Variants in ODR4 observed in about 807,000 individuals in gnomAD.
ODR4 encodes odr-4 GPCR localization factor homolog, also known as protein odr-4 homolog.
A neutral mutation model predicts 60.2 loss-of-function variants in ODR4; 47 were observed. That is an observed-to-expected ratio of 0.78 (90% confidence interval 0.62 to 1.00). The LOEUF (loss-of-function observed/expected upper bound fraction) is 1.00, where lower values mean the gene tolerates loss of function less well. ODR4 is among the 50% of genes least tolerant of loss of function. ODR4 has a pLI of 0.00. For missense variants in ODR4, 488 were observed against 530.8 expected, an observed-to-expected ratio of 0.92 and a Z score of 0.79; for synonymous variants, 178 against 175.5, an observed-to-expected ratio of 1.01 and a Z score of -0.11.
chr1:186,378,193 C>A (rs980835300), intron 1 of ODR4, among the ~76,000 whole-genome samples: 1 of 152,162 alleles, frequency 6.6e-6, no homozygotes, highest in African/African-American at 2.4e-5. Flanking sequence ...AAATGCAAAA[C>A]CGTTTTGTGA....
intron 6 of ODR4, 125 bp downstream of exon 6, chr1:186,389,749 A>G (rs1660389479): frequency 1.6e-6 from 1 of 638,282 alleles, no homozygotes; most frequent in African/African-American, 1.9e-5. Context: ...AAACAACTGT[A>G]GTTTTTATTT....
chr1:186,400,259 G>C (rs934795417), intron 11 of ODR4, among the ~76,000 whole-genome samples: 1 of 149,792 alleles, frequency 6.7e-6, no homozygotes, highest in African/African-American at 2.5e-5. Context: ...CAAAGTGCTG[G>C]GATTACAGGC....
chr1:186,395,715 A>G (rs1354279544), intron 9 of ODR4, among the ~76,000 whole-genome samples: 1 of 152,296 alleles, frequency 6.6e-6, no homozygotes, highest in East Asian at 1.9e-4. Context: ...CTTTGTTAGT[A>G]TATCTCTTGA....
chr1:186,434,740 A>G, the ODR4 span, among the ~76,000 whole-genome samples: 1 of 152,186 alleles, frequency 6.6e-6, no homozygotes, highest in African/African-American at 2.4e-5. Flanking sequence ...TGGGACTTAC[A>G]CAGTTTATTA....
chr1:186,407,063 T>C (rs1319885550), intron 12 of ODR4, among the ~76,000 whole-genome samples: 1 of 152,148 alleles, frequency 6.6e-6, no homozygotes, highest in Non-Finnish European at 1.5e-5. Context: ...TTCAAATCTA[T>C]AGTAAACTGC....
chr1:186,380,544 C>T lies in ODR4; in HGVS notation c.99+660C>T, dbSNP rs148650004. Among the ~76,000 whole-genome samples, 1,022 of 147,626 alleles carry T rather than the reference C, an allele frequency of 6.9e-3. 7 individuals carry two copies. The highest frequency in any genetic ancestry group is 8.2e-3 in the Non-Finnish European group (551 of 67,488). ...ATGAGTGAAGGAAGAACGTGTTAAT[C>T]GGCAGGAGGGACCGGTCAGCAGTAC... is the stretch of plus-strand genomic sequence containing the variant. On this transcript the variant is annotated intron_variant, in intron 2 of 13. Transcript: ENST00000287859.
intron 2 of ODR4, among the ~76,000 whole-genome samples, chr1:186,381,797 C>T (rs941105359): frequency 6.6e-6 from 1 of 152,056 alleles, no homozygotes; most frequent in Non-Finnish European, 1.5e-5. Context: ...TTTTTCTTTT[C>T]AAAGTTATAC....
chr1:186,397,481 A>G (rs538578170), intron 9 of ODR4, among the ~76,000 whole-genome samples: 1 of 152,170 alleles, frequency 6.6e-6, no homozygotes, highest in African/African-American at 2.4e-5. Flanking sequence ...GCCTTATTTG[A>G]AATGCTTAGG....
Position 186,395,932 on chromosome 1 carries a change from A to G in ODR4, c.780+1917A>G, listed in dbSNP as rs78051072. Among the ~76,000 whole-genome samples, 1,030 of 152,254 alleles carry G rather than the reference A, an allele frequency of 6.8e-3. 18 individuals are homozygous for G. The highest frequency in any genetic ancestry group is 0.024 in the African/African-American group (993 of 41,538). On this transcript the variant is annotated intron_variant, in intron 9 of 13. Transcript: ENST00000287859. Reference sequence around the variant, plus strand: ...AGAAGTCCAACTCAGGGTTCTTCATAGCCTCAGCATACCTTTTTGTTCTTA... The same window carrying G: ...AGAAGTCCAACTCAGGGTTCTTCATGGCCTCAGCATACCTTTTTGTTCTTA...
At chr1:186,394,422 T>A (rs867784314) in intron 9 of ODR4, among the ~76,000 whole-genome samples, 3 of 152,168 alleles carry the variant, frequency 2.0e-5, no homozygotes, top group African/African-American at 7.2e-5. Context: ...ACCCCCTGAT[T>A]TGATAAAAAT....
downstream of ODR4, among the ~76,000 whole-genome samples, chr1:186,426,007 A>G (rs1348557389): frequency 6.6e-6 from 1 of 152,188 alleles, no homozygotes; most frequent in African/African-American, 2.4e-5. Flanking sequence ...GTCTCCTTGG[A>G]TAGATTCACA....
chr1:186,411,285 G>C lies in ODR4; in HGVS notation c.1186+5017G>C, dbSNP rs184476119. Among the ~76,000 whole-genome samples the C allele has an allele frequency of 1.9e-3, 284 of 152,134 alleles. 1 individual carries two copies. The highest frequency in any genetic ancestry group is 6.5e-3 in the African/African-American group (268 of 41,502). ...TTACGATCCCAAGCATTTTGGATGAGGAATACTCAACCTGTACTACTTCTA... is the reference window on the plus strand; with the variant it reads ...TTACGATCCCAAGCATTTTGGATGACGAATACTCAACCTGTACTACTTCTA... On this transcript the variant is annotated intron_variant, in intron 12 of 13. Transcript: ENST00000287859.
At chr1:186,416,147 T>C (rs1267273369) in intron 12 of ODR4, among the ~76,000 whole-genome samples, 1 of 152,206 alleles carries the variant, frequency 6.6e-6, no homozygotes, top group African/African-American at 2.4e-5. Flanking sequence ...AAATAGGTCA[T>C]GAGCCAGAGG....
intron 12 of ODR4, among the ~76,000 whole-genome samples, chr1:186,417,040 G>A (rs1017362974): frequency 8.6e-5 from 13 of 151,848 alleles, no homozygotes; most frequent in African/African-American, 2.7e-4. Flanking sequence ...TCGGCTCACT[G>A]TAACCTCCGT....
chr1:186,410,561 A>G (rs996437866), intron 12 of ODR4, among the ~76,000 whole-genome samples: 3 of 152,240 alleles, frequency 2.0e-5, no homozygotes, highest in African/African-American at 4.8e-5. Context: ...CAGAGAATGT[A>G]GTAAGGTCCT....
rs76699100 is a variant in ODR4 at position 186,378,732 on chromosome 1, A to G, written c.-19-1035A>G. On this transcript the variant is annotated intron_variant, in intron 1 of 13. Transcript: ENST00000287859. Reference sequence around the variant, plus strand: ...GTCACTTTGGCAAGTTATTTAATCAACTTTTCTCATTTCAGTTTCTTCATC... The same window carrying G: ...GTCACTTTGGCAAGTTATTTAATCAGCTTTTCTCATTTCAGTTTCTTCATC... Among the ~76,000 whole-genome samples the G allele has an allele frequency of 6.1e-3, 923 of 152,306 alleles. 13 individuals are homozygous for G. Among genetic ancestry groups the G allele is most frequent in the African/African-American group, 0.021 (893 of 41,548 alleles).
chr1:186,421,934 C>T (rs1193429581), downstream of ODR4, among the ~76,000 whole-genome samples: 1 of 148,594 alleles, frequency 6.7e-6, no homozygotes, highest in East Asian at 2.0e-4. Flanking sequence ...AATAGGTATG[C>T]AATAACCTAG....
In ODR4 at chr1:186,386,093, A is replaced by T. The variant is rs755144990; in HGVS notation, c.330+10A>T. On this transcript the variant is annotated intron_variant, in intron 4 of 13. Transcript: ENST00000287859. ...AAATGCCCTGCGTAGAGTAAGTTTG[A>T]TATATCGAAAATTCTTAATGAAATC... 1.5e-5 allele frequency: 22 copies of T among 1,488,874 alleles called. No homozygotes were observed. The highest frequency in any genetic ancestry group is 1.9e-5 in the Non-Finnish European group (21 of 1,086,706). The allele number at this position is 1,488,874 out of a possible 1,614,324, so 92.2% of individuals were successfully genotyped here. A position where few individuals can be genotyped will look rare whatever the true frequency, so the allele number is the denominator to read the frequency against.
chr1:186,393,781 A>G (rs1056926910), intron 8 of ODR4, among the ~76,000 whole-genome samples, 166 bp from the exon 9 acceptor site: 2 of 152,268 alleles, frequency 1.3e-5, no homozygotes, highest in African/African-American at 4.8e-5. Context: ...AAGAGTGTAC[A>G]TTGATACAGA....
Sources: allele counts gnomAD v4.1 joint callset (sites outside exome capture counted in the v4.1 genomes callset), GRCh38; gene constraint gnomAD v4.1.1; transcripts MANE v1.5; gene names NCBI Gene and HGNC (gene_info 2026-07-23, HGNC 2026-07-21).